Variants in GNAQ observed in about 807,000 individuals in gnomAD.
GNAQ encodes G protein subunit alpha q, also known as guanine nucleotide-binding protein G(q) subunit alpha.
Under a neutral mutation model 43.9 loss-of-function variants are expected in GNAQ, and 8 were observed. That is an observed-to-expected ratio of 0.18 (90% CI 0.11 to 0.33). GNAQ has a LOEUF of 0.33. Ranked by LOEUF, GNAQ falls within the 10% of genes least tolerant of loss-of-function variation. The probability of loss-of-function intolerance (pLI) is 1.00; values close to 1 mark genes in which losing one functional copy is unlikely to be tolerated. For synonymous variants in GNAQ, 155 were observed against 170.7 expected (o/e 0.91, Z 0.71); for missense variants, 158 against 450.8 (o/e 0.35, Z 5.88).
At chr9:77,855,512 C>CT (rs1345383233) in intron 2 of GNAQ, among the ~76,000 whole-genome samples, 2 of 152,012 alleles carry the variant, frequency 1.3e-5, no homozygotes, top group East Asian at 3.9e-4. Context: ...ATTATGTCAT[C>CT]TTTTTTTCGC....
Position 77,848,616 on chromosome 9 carries a change from T to C in GNAQ, c.322-32846A>G, listed in dbSNP as rs377663189. 4.9e-4 allele frequency among the ~76,000 whole-genome samples: 74 copies of C among 152,356 alleles called. 1 individual carries two copies. The South Asian group carries it at 0.014, about 29-fold the overall frequency. ...GGCAATGCCAGAACAATTGGTCTCATTGCCTTCTGAGATGACAATTAATTA... is the reference window on the plus strand; with the variant it reads ...GGCAATGCCAGAACAATTGGTCTCACTGCCTTCTGAGATGACAATTAATTA... On this transcript the variant is annotated intron_variant, in intron 2 of 6. Coordinates refer to ENST00000286548, the MANE Select transcript of GNAQ (RefSeq NM_002072.5).
At chr9:77,927,715 G>A (rs1829090384) in intron 1 of GNAQ, among the ~76,000 whole-genome samples, 1 of 151,990 alleles carries the variant, frequency 6.6e-6, no homozygotes, top group African/African-American at 2.4e-5. Context: ...GGCATTTAAA[G>A]TTACACAATG....
chr9:77,842,761 C>A (rs1827512405), intron 2 of GNAQ, among the ~76,000 whole-genome samples: 1 of 152,076 alleles, frequency 6.6e-6, no homozygotes, highest in Admixed American at 6.5e-5. Flanking sequence ...GCTGAGATGG[C>A]TTCGGAACCT....
intron 2 of GNAQ, among the ~76,000 whole-genome samples, chr9:77,881,779 A>G (rs1828211891): frequency 6.6e-6 from 1 of 152,210 alleles, no homozygotes; most frequent in Non-Finnish European, 1.5e-5. Flanking sequence ...TATTAACCAA[A>G]GGTGTACAGA....
chr9:77,901,831 G>A (rs1051327076), intron 2 of GNAQ, among the ~76,000 whole-genome samples: 1 of 152,138 alleles, frequency 6.6e-6, no homozygotes, highest in African/African-American at 2.4e-5. Flanking sequence ...TCATGATCAA[G>A]GCACAGGCAC....
rs1270095671 is a variant in GNAQ, at chr9:78,031,789, C to G, written c.-554G>C. On this transcript the variant is annotated 5_prime_UTR_variant, in exon 1 of 7. Coordinates refer to ENST00000286548, the MANE Select transcript of GNAQ (RefSeq NM_002072.5). Reference sequence around the variant, plus strand: ...CCACCGCCCGGCTCGCGCGCAGACCCGGTTCCCGTCCCGCCCGGCAACCGC... The same window carrying G: ...CCACCGCCCGGCTCGCGCGCAGACCGGGTTCCCGTCCCGCCCGGCAACCGC... Among the ~76,000 whole-genome samples, 1 of 148,750 alleles carries G rather than the reference C, an allele frequency of 6.7e-6. No homozygotes were observed. Among genetic ancestry groups the G allele is most frequent in the African/African-American group, 2.4e-5 (1 of 40,972 alleles).
At chr9:77,844,519 T>A (rs1391909814) in intron 2 of GNAQ, among the ~76,000 whole-genome samples, 1 of 152,170 alleles carries the variant, frequency 6.6e-6, no homozygotes, top group Admixed American at 6.5e-5. Flanking sequence ...AGCTGCTAAG[T>A]ATAAGATGGA....
intron 5 of GNAQ, among the ~76,000 whole-genome samples, chr9:77,747,012 A>G (rs1180083288): frequency 2.0e-5 from 3 of 152,162 alleles, no homozygotes; most frequent in African/African-American, 7.2e-5. Flanking sequence ...TTAAACTTAA[A>G]AAAAGATATA....
intron 5 of GNAQ, among the ~76,000 whole-genome samples, chr9:77,792,693 A>C (rs1336824028): frequency 6.6e-6 from 1 of 152,162 alleles, no homozygotes; most frequent in Non-Finnish European, 1.5e-5. Context: ...TCATATATAT[A>C]TAATGCATTT....
chr9:77,840,324 G>A (rs1045818835), intron 2 of GNAQ, among the ~76,000 whole-genome samples: 16 of 151,440 alleles, frequency 1.1e-4, no homozygotes, highest in African/African-American at 3.9e-4. Flanking sequence ...TGGGTATTTG[G>A]TGCAGATGTG....
At chr9:77,935,697 A>G (rs1423941677) in intron 1 of GNAQ, among the ~76,000 whole-genome samples, 3 of 152,166 alleles carry the variant, frequency 2.0e-5, no homozygotes, top group Non-Finnish European at 4.4e-5. Flanking sequence ...AGCCAGTTAA[A>G]AAAGGTACCC....
chr9:77,857,967 A>G (rs1827787090), intron 2 of GNAQ, among the ~76,000 whole-genome samples: 2 of 151,836 alleles, frequency 1.3e-5, no homozygotes, highest in Non-Finnish European at 2.9e-5. Context: ...AAGCTTTTTT[A>G]AACAGAGCTG....
At chr9:77,971,693 G>A (rs1161006187) in intron 1 of GNAQ, among the ~76,000 whole-genome samples, 3 of 152,250 alleles carry the variant, frequency 2.0e-5, no homozygotes, top group Non-Finnish European at 2.9e-5. Flanking sequence ...GGCAAAAACT[G>A]GAAGCATTAC....
At chr9:77,840,062 C>T (rs565218871) in intron 2 of GNAQ, among the ~76,000 whole-genome samples, 6 of 152,138 alleles carry the variant, frequency 3.9e-5, no homozygotes, top group Non-Finnish European at 8.8e-5. Context: ...GGAACCCGTG[C>T]GTTTTCCTCT....
At chr9:77,929,722 C>T (rs995279024) in intron 1 of GNAQ, among the ~76,000 whole-genome samples, 11 of 152,126 alleles carry the variant, frequency 7.2e-5, no homozygotes, top group African/African-American at 2.2e-4. Flanking sequence ...GTAGTTCCTT[C>T]GGGAGGCTGA....
intron 2 of GNAQ, among the ~76,000 whole-genome samples, chr9:77,840,314 T>C (rs562244197): frequency 6.6e-6 from 1 of 151,964 alleles, no homozygotes; most frequent in African/African-American, 2.4e-5. Flanking sequence ...CATTCTCAAA[T>C]GGGTATTTGG....
At chr9:77,853,115 T>A (rs1587945821) in intron 2 of GNAQ, among the ~76,000 whole-genome samples, 1 of 152,230 alleles carries the variant, frequency 6.6e-6, no homozygotes, top group South Asian at 2.1e-4. Context: ...CAAACTATGA[T>A]AACGGGAAGA....
At chr9:77,975,136 T>C (rs1823282484) in intron 1 of GNAQ, among the ~76,000 whole-genome samples, 1 of 152,204 alleles carries the variant, frequency 6.6e-6, no homozygotes, top group African/African-American at 2.4e-5. Flanking sequence ...CAAAATCCTC[T>C]GTACATAAGT....
At chr9:77,734,036 C>T (rs1031498098) in intron 5 of GNAQ, among the ~76,000 whole-genome samples, 2 of 152,170 alleles carry the variant, frequency 1.3e-5, no homozygotes, top group Non-Finnish European at 2.9e-5. Context: ...ATAACAATTA[C>T]CAAAGGGCCT....
Sources: allele counts gnomAD v4.1 joint callset (sites outside exome capture counted in the v4.1 genomes callset), GRCh38; gene constraint gnomAD v4.1.1; transcripts MANE v1.5; gene names NCBI Gene and HGNC (gene_info 2026-07-23, HGNC 2026-07-21).